The following OSBPL8 variants were observed in gnomAD, a reference collection of about 807,000 sequenced individuals.
The protein encoded by OSBPL8 is oxysterol-binding protein-related protein 8.
OSBPL8 carries 59 observed loss-of-function variants against 125.5 expected under a neutral mutation model. The ratio of observed to expected loss-of-function variants is 0.47; its 90% CI spans 0.38 to 0.58. The LOEUF (loss-of-function observed/expected upper bound fraction) is 0.58, where lower values mean the gene tolerates loss of function less well. OSBPL8 is among the 20% of genes least tolerant of loss of function. OSBPL8 has a pLI of 0.00. For missense variants in OSBPL8, 758 were observed against 1,047.8 expected, an observed-to-expected ratio of 0.72 and a Z score of 3.82; for synonymous variants, 330 against 338.9, an observed-to-expected ratio of 0.97 and a Z score of 0.29.
chr12:76,551,993 G>C (rs1376564390), intron 1 of OSBPL8, among the ~76,000 whole-genome samples: 1 of 151,994 alleles, frequency 6.6e-6, no homozygotes. Context: ...CAATCTTATG[G>C]TTTTACTATC....
intron 1 of OSBPL8, among the ~76,000 whole-genome samples, chr12:76,538,853 C>T (rs944864370): frequency 2.6e-5 from 4 of 151,436 alleles, no homozygotes; most frequent in Admixed American, 1.3e-4. Flanking sequence ...GAGGCTGAGG[C>T]AGGAGGCTGA....
intron 2 of OSBPL8, among the ~76,000 whole-genome samples, chr12:76,461,617 T>G (rs1278559921): frequency 6.6e-6 from 1 of 152,090 alleles, no homozygotes; most frequent in Non-Finnish European, 1.5e-5. Flanking sequence ...TTTTGTATTT[T>G]TAGTAGAGAC....
At chr12:76,437,229 T>C (rs1871571344) in intron 4 of OSBPL8, among the ~76,000 whole-genome samples, 1 of 152,220 alleles carries the variant, frequency 6.6e-6, no homozygotes, top group South Asian at 2.1e-4. Flanking sequence ...TTTTCAAAAA[T>C]GGTTCTACCA....
At chr12:76,491,320 G>A (rs1423440302) in intron 1 of OSBPL8, among the ~76,000 whole-genome samples, 3 of 152,112 alleles carry the variant, frequency 2.0e-5, no homozygotes, top group Non-Finnish European at 4.4e-5. Context: ...AGAGGTCTCG[G>A]ATAACCTCTC....
At chr12:76,450,403 C>T (rs1873238918) in intron 4 of OSBPL8, among the ~76,000 whole-genome samples, 1 of 152,092 alleles carries the variant, frequency 6.6e-6, no homozygotes, top group African/African-American at 2.4e-5. Flanking sequence ...GGAAAGAAAA[C>T]ACTGTAGTTC....
Position 76,456,742 on chromosome 12 carries a change from T to C in OSBPL8, c.79+3117A>G, listed in dbSNP as rs1874097228. On this transcript the variant is annotated intron_variant, in intron 3 of 23. Transcript: ENST00000261183. ...TATATGTTGTATGTATTACATATTG[T>C]ATTATGTAATACAATATATACATAA... Among the ~76,000 whole-genome samples the C allele has an allele frequency of 2.0e-5, 3 of 152,306 alleles. 1 individual carries two copies. The South Asian group carries it at 6.2e-4, about 32-fold the overall frequency.
intron 22 of OSBPL8, among the ~76,000 whole-genome samples, chr12:76,357,842 A>G (rs1952041193): frequency 6.6e-6 from 1 of 151,890 alleles, no homozygotes; most frequent in African/African-American, 2.4e-5. Context: ...CTCAGTAGAG[A>G]TTATGGCTTA....
intron 2 of OSBPL8, among the ~76,000 whole-genome samples, chr12:76,475,102 G>A (rs558035137): frequency 6.6e-6 from 1 of 152,168 alleles, no homozygotes; most frequent in South Asian, 2.1e-4. Context: ...ATTTCTTTCT[G>A]AGGTTTTATG....
intron 4 of OSBPL8, among the ~76,000 whole-genome samples, chr12:76,436,799 A>T: frequency 6.6e-6 from 1 of 152,204 alleles, no homozygotes; most frequent in Non-Finnish European, 1.5e-5. Flanking sequence ...TTTATATAAC[A>T]CATGTGTATT....
At position 76,533,208 on chromosome 12, in the gene OSBPL8, T is replaced by C. The variant is rs1026482819; in HGVS notation, c.-68+26189A>G. ...TAGTATTCATTTATGTGTTTCTTGC[T>C]AGGTTTTTAAACTCCATTACATAAG... On this transcript the variant is annotated intron_variant, in intron 1 of 23. Coordinates refer to ENST00000261183, the MANE Select transcript of OSBPL8 (RefSeq NM_020841.5). 3.3e-5 allele frequency among the ~76,000 whole-genome samples: 5 copies of C among 152,230 alleles called. No homozygotes were observed. The South Asian group carries it at 1.0e-3, about 32-fold the overall frequency.
At chr12:76,526,311 GTATT>G (rs1950168969) in intron 1 of OSBPL8, among the ~76,000 whole-genome samples, 1 of 152,074 alleles carries the variant, frequency 6.6e-6, no homozygotes, top group African/African-American at 2.4e-5. Flanking sequence ...TATCACAAAA[GTATT>G]AATTGAACGT....
At chr12:76,533,350 T>C (rs775287756) in intron 1 of OSBPL8, among the ~76,000 whole-genome samples, 7 of 152,208 alleles carry the variant, frequency 4.6e-5, no homozygotes, top group Non-Finnish European at 7.3e-5. Context: ...AATTTTCATT[T>C]GGATCCTACT....
chr12:76,399,766 A>T, intron 7 of OSBPL8, 107 bp downstream of exon 7: 1 of 700,080 alleles, frequency 1.4e-6, no homozygotes. Context: ...AAAAACAATC[A>T]TTTTAGGAGC....
chr12:76,414,070 G>A (rs577370146), intron 4 of OSBPL8, among the ~76,000 whole-genome samples: 4 of 152,092 alleles, frequency 2.6e-5, no homozygotes, highest in Non-Finnish European at 5.9e-5. Context: ...CAATCCACCT[G>A]GAATTGACAT....
intron 2 of OSBPL8, among the ~76,000 whole-genome samples, chr12:76,485,863 CA>C (rs2137018947): frequency 6.6e-6 from 1 of 152,098 alleles, no homozygotes; most frequent in African/African-American, 2.4e-5. Context: ...TTAAAAACAG[CA>C]ACTGATATTT....
chr12:76,413,570 A>C (rs1027830892), intron 4 of OSBPL8, among the ~76,000 whole-genome samples: 3 of 152,208 alleles, frequency 2.0e-5, no homozygotes, highest in Admixed American at 2.0e-4. Context: ...CTTTATACCA[A>C]ACTATGCAAA....
At chr12:76,523,818 C>T (rs1218105294) in intron 1 of OSBPL8, among the ~76,000 whole-genome samples, 1 of 151,988 alleles carries the variant, frequency 6.6e-6, no homozygotes, top group Non-Finnish European at 1.5e-5. Context: ...TTACAGCAGC[C>T]CAAGCAGACT....
rs753278036 is a variant in OSBPL8 at position 76,499,342 on chromosome 12, CT to C, written c.-67-11725del. ...TCTATCTATCTATCTATCTATCTAT[CT>C]ATCTATCATCTATCTATCTATCTAA... On this transcript the variant is annotated intron_variant, in intron 1 of 23. Coordinates refer to ENST00000261183, the MANE Select transcript of OSBPL8 (RefSeq NM_020841.5). Among the ~76,000 whole-genome samples the C allele has an allele frequency of 8.2e-3, 969 of 118,354 alleles. 11 individuals are homozygous for C. Among genetic ancestry groups the C allele is most frequent in the African/African-American group, 0.028 (879 of 31,048 alleles). 77.6% of individuals were successfully genotyped at this position (118,354 alleles called of 152,430 possible).
chr12:76,522,037 T>C (rs4620771), intron 1 of OSBPL8, among the ~76,000 whole-genome samples: 75,809 of 152,016 alleles, frequency 0.5, 20,374 homozygotes, highest in African/African-American at 0.68. Context: ...GAGGACATAT[T>C]AACTTGCCTC....
Sources: allele counts gnomAD v4.1 joint callset (sites outside exome capture counted in the v4.1 genomes callset), GRCh38; gene constraint gnomAD v4.1.1; transcripts MANE v1.5; gene names NCBI Gene and HGNC (gene_info 2026-07-23, HGNC 2026-07-21).